CEP85L: variants seen among roughly 807,000 people sequenced by gnomAD.
The protein encoded by CEP85L is centrosomal protein of 85 kDa-like.
In CEP85L, 60 loss-of-function variants were observed where a neutral mutation model predicts 100.3. The observed-to-expected ratio is 0.60, with a 90% CI of 0.49 to 0.74. The LOEUF (loss-of-function observed/expected upper bound fraction) is 0.74. Among genes scored for constraint, CEP85L ranks in the 30% least tolerant of loss-of-function variants. CEP85L has a pLI of 0.00. For synonymous variants in CEP85L, 319 were observed against 322.7 expected (o/e 0.99, Z 0.12); for missense variants, 973 against 936.2 (o/e 1.04, Z -0.51).
At chr6:118,653,409 A>G (rs949381485), upstream of CEP85L, among the ~76,000 whole-genome samples, 20 of 152,170 alleles carry the variant, frequency 1.3e-4, no homozygotes, top group African/African-American at 4.1e-4. Context: ...TTATGTTGCT[A>G]AAGTATCCAT....
upstream of CEP85L, among the ~76,000 whole-genome samples, chr6:118,656,373 A>G (rs139873233): frequency 6.6e-6 from 1 of 152,358 alleles, no homozygotes; most frequent in Non-Finnish European, 1.5e-5. Context: ...AACTTTTACA[A>G]TTGAAAAGCA....
chr6:118,591,977 T>C (rs752992247), intron 2 of CEP85L, among the ~76,000 whole-genome samples: 8 of 152,256 alleles, frequency 5.3e-5, no homozygotes, highest in Non-Finnish European at 4.4e-5. Context: ...TCAAATTGTT[T>C]TGAATACTGC....
At chr6:118,500,828 C>T (rs886670105) in intron 5 of CEP85L, among the ~76,000 whole-genome samples, 3 of 152,162 alleles carry the variant, frequency 2.0e-5, no homozygotes, top group Admixed American at 6.5e-5. Flanking sequence ...AACAAACAAA[C>T]ATCTTGAAGG....
intron 2 of CEP85L, among the ~76,000 whole-genome samples, chr6:118,593,857 T>C (rs1222677052): frequency 6.6e-6 from 1 of 152,094 alleles, no homozygotes; most frequent in Non-Finnish European, 1.5e-5. Flanking sequence ...CAACACATCA[T>C]CCACAATGTT....
At chr6:118,579,143 G>A (rs972790649) in intron 2 of CEP85L, among the ~76,000 whole-genome samples, 1 of 152,160 alleles carries the variant, frequency 6.6e-6, no homozygotes. Flanking sequence ...CAATCTGCCT[G>A]CCTTGGCTTC....
chr6:118,558,958 A>C, intron 3 of CEP85L: 1 of 1,613,816 alleles, frequency 6.2e-7, no homozygotes, highest in Non-Finnish European at 8.5e-7. Context: ...CTCAGCTATA[A>C]GAAGAGCCTC....
chr6:118,471,686 A>G (rs574328277), intron 10 of CEP85L, among the ~76,000 whole-genome samples: 13 of 152,086 alleles, frequency 8.5e-5, no homozygotes, highest in Admixed American at 7.9e-4. Context: ...TTAGTAACTC[A>G]GAAGTTGGAC....
chr6:118,551,349 A>G (rs916438853), intron 3 of CEP85L, among the ~76,000 whole-genome samples: 5 of 151,502 alleles, frequency 3.3e-5, no homozygotes, highest in Admixed American at 1.3e-4. Flanking sequence ...AAGGTTGACT[A>G]ACTCACTCAC....
chr6:118,548,071 T>A (rs1778313187), intron 3 of CEP85L, among the ~76,000 whole-genome samples: 1 of 152,126 alleles, frequency 6.6e-6, no homozygotes, highest in Non-Finnish European at 1.5e-5. Context: ...CCACCTCAAG[T>A]TTACTTATTT....
chr6:118,652,897 C>T, upstream of CEP85L: 2 of 585,900 alleles, frequency 3.4e-6, no homozygotes, highest in Admixed American at 3.3e-5. Flanking sequence ...TTTTATCTAA[C>T]ACTTGAAGAG....
chr6:118,590,251 C>A (rs925459767), intron 2 of CEP85L, among the ~76,000 whole-genome samples: 1 of 152,088 alleles, frequency 6.6e-6, no homozygotes, highest in Non-Finnish European at 1.5e-5. Context: ...CTTAAAAAAA[C>A]AGATAGGACA....
intron 5 of CEP85L, among the ~76,000 whole-genome samples, chr6:118,496,307 T>C (rs1774913098): frequency 6.6e-6 from 1 of 152,158 alleles, no homozygotes; most frequent in South Asian, 2.1e-4. Flanking sequence ...GGCACACACG[T>C]CATCTCTTAT....
chr6:118,461,453 G>A lies in CEP85L; in HGVS notation c.*3952C>T. 6.6e-6 allele frequency: 1 copy of A among 151,556 alleles called. No individual in the cohort carries two copies. Among genetic ancestry groups the A allele is most frequent in the East Asian group, 1.9e-4 (1 of 5,186 alleles). 9.4% of individuals were successfully genotyped at this position (151,556 alleles called of 1,614,324 possible). On this transcript the variant is annotated 3_prime_UTR_variant, in exon 13 of 13. Transcript: ENST00000368491. ...ATCAAGTTTATATACAGAAGAACAA[G>A]GTGCAATAATCATCAACATTCTTAG... is the stretch of plus-strand genomic sequence containing the variant.
chr6:118,565,677 TG>T lies in CEP85L; in HGVS notation c.871del (p.Gln291SerfsTer4). 2 of 1,614,216 alleles carry T rather than the reference TG, an allele frequency of 1.2e-6. No individual in the cohort carries two copies. Among genetic ancestry groups the T allele is most frequent in the Non-Finnish European group, 1.7e-6 (2 of 1,180,036 alleles). ...CCACATCTGAGTCCTTACGGAAGGC[TG>T]AATGGGAACTCCACCTACTGCCTGT... ...GQQAVGGVPI[Q>X]PSVRTQMWLT... On this transcript the variant is annotated frameshift_variant, in exon 3 of 13. Coordinates refer to ENST00000368491, the MANE Select transcript of CEP85L (RefSeq NM_001042475.3). LOFTEE classifies it high-confidence loss of function.
chr6:118,513,289 A>G (rs72952733), intron 4 of CEP85L, among the ~76,000 whole-genome samples: 20,649 of 152,118 alleles, frequency 0.14, 1,812 homozygotes, highest in Non-Finnish European at 0.19. Flanking sequence ...CAGAAAAAAA[A>G]TATTTGTGTA....
chr6:118,587,063 C>G (rs1422288615), intron 2 of CEP85L, among the ~76,000 whole-genome samples: 1 of 152,244 alleles, frequency 6.6e-6, no homozygotes, highest in Non-Finnish European at 1.5e-5. Flanking sequence ...CCTACAATAT[C>G]TGCCATGGCC....
At chr6:118,540,766 A>G (rs1176640824) in intron 3 of CEP85L, among the ~76,000 whole-genome samples, 10 of 105,102 alleles carry the variant, frequency 9.5e-5, no homozygotes, top group Non-Finnish European at 2.0e-4. Flanking sequence ...AAATAAATAA[A>G]TAAATAAATA....
intron 1 of CEP85L, among the ~76,000 whole-genome samples, chr6:118,675,787 A>G (rs1276137868): frequency 3.3e-5 from 5 of 152,148 alleles, no homozygotes; most frequent in Middle Eastern, 3.2e-3. Flanking sequence ...GAAGCAGTAA[A>G]GAGCAAAATT....
rs539854820 is a variant in CEP85L at position 118,488,056 on chromosome 6, C to T, written c.1437+3630G>A. Among the ~76,000 whole-genome samples the T allele has an allele frequency of 3.3e-5, 5 of 152,198 alleles. No individual in the cohort carries two copies. The South Asian group carries it at 6.2e-4, about 19-fold the overall frequency. ...ACAAAGATATGAAAAGCCCCCCTCT[C>T]TCGCCAGACTGATTAGTGAGGGTCT... On this transcript the variant is annotated intron_variant, in intron 6 of 12. Coordinates refer to ENST00000368491, the MANE Select transcript of CEP85L (RefSeq NM_001042475.3).
Sources: gnomAD v4.1 joint callset for allele counts (sites outside exome capture counted in the v4.1 genomes callset) on GRCh38, gnomAD v4.1.1 for gene constraint, MANE v1.5 for transcripts, NCBI Gene and HGNC (gene_info 2026-07-23, HGNC 2026-07-21) for gene names.